Variants in NTRK3 observed in about 807,000 individuals in gnomAD.
The protein encoded by NTRK3 is neurotrophic receptor tyrosine kinase 3, also known as NT-3 growth factor receptor.
NTRK3 carries 24 observed loss-of-function variants against 91.7 expected under a neutral mutation model. The ratio of observed to expected loss-of-function variants is 0.26; its 90% CI spans 0.19 to 0.37. The LOEUF (loss-of-function observed/expected upper bound fraction) is 0.37. Among genes scored for constraint, NTRK3 ranks in the 10% least tolerant of loss-of-function variants. The pLI, the probability that NTRK3 is intolerant of heterozygous loss-of-function variation, is 1.00. For synonymous variants in NTRK3, 483 were observed against 404.0 expected (o/e 1.20, Z -2.34); for missense variants, 880 against 1,068.9 (o/e 0.82, Z 2.46).
rs1031203153 is a variant in NTRK3, at chr15:88,234,596, C to T, written c.248+21310G>A. ...CCTGCTCATCCCTCCAGTTCCAGCT[C>T]AGTTGCCCCTTCCTCTGGGGAGCTT... On this transcript the variant is annotated intron_variant, in intron 3 of 18. Transcript: ENST00000394480. The surrounding 1 kb of genome is among the most constrained non-coding windows in gnomAD (Gnocchi z 6.1). Among the ~76,000 whole-genome samples, 38 of 152,178 alleles carry T rather than the reference C, an allele frequency of 2.5e-4. No homozygotes were observed. Among genetic ancestry groups the T allele is most frequent in the African/African-American group, 8.2e-4 (34 of 41,454 alleles).
chr15:88,145,807 C>T (rs548345688), intron 6 of NTRK3, among the ~76,000 whole-genome samples: 1 of 152,016 alleles, frequency 6.6e-6, no homozygotes, highest in Non-Finnish European at 1.5e-5. Flanking sequence ...CCCCCAAGGC[C>T]CTCAGTCAGT....
chr15:88,256,010 C>T (rs2054023002), exon 3 of NTRK3: 16 of 1,613,468 alleles, frequency 9.9e-6, no homozygotes, highest in African/African-American at 6.7e-5. Context: ...TCCCATCGTC[C>T]GGCCGCCGGC....
intron 14 of NTRK3, among the ~76,000 whole-genome samples, chr15:87,980,684 A>T (rs899126947): frequency 6.6e-6 from 1 of 152,174 alleles, no homozygotes; most frequent in East Asian, 1.9e-4. Flanking sequence ...ATTTGATTGC[A>T]TTGAGACTTT....
In NTRK3 at chr15:87,925,210, T is replaced by C. The variant is rs190987703; in HGVS notation, c.2133+3981A>G. Reference sequence around the variant, plus strand: ...AAGAGAGAACAAATCGCTCTGGTGTTCTGGTGTGGGAACATTTGTTTTCTC... The same window carrying C: ...AAGAGAGAACAAATCGCTCTGGTGTCCTGGTGTGGGAACATTTGTTTTCTC... On this transcript the variant is annotated intron_variant, in intron 17 of 18. Coordinates refer to ENST00000394480, the Ensembl canonical transcript of NTRK3. Among the ~76,000 whole-genome samples, 90 of 152,330 alleles carry C rather than the reference T, an allele frequency of 5.9e-4. 1 individual carries two copies. Among genetic ancestry groups the C allele is most frequent in the Non-Finnish European group, 8.8e-5 (6 of 68,022 alleles).
chr15:87,965,908 T>C (rs2072749249), intron 14 of NTRK3, among the ~76,000 whole-genome samples: 1 of 151,932 alleles, frequency 6.6e-6, no homozygotes, highest in South Asian at 2.1e-4. Flanking sequence ...TGAAACCCCA[T>C]CTCTACTAAA....
intron 14 of NTRK3, among the ~76,000 whole-genome samples, chr15:87,941,326 T>C (rs955097890): frequency 6.6e-6 from 1 of 152,218 alleles, no homozygotes; most frequent in African/African-American, 2.4e-5. Context: ...CTTCCTCATC[T>C]GTAAAATGGG....
At chr15:88,212,952 G>A (rs530764360) in intron 3 of NTRK3, among the ~76,000 whole-genome samples, 2 of 152,336 alleles carry the variant, frequency 1.3e-5, no homozygotes, top group African/African-American at 4.8e-5. Context: ...TCACTGCACC[G>A]ATGCCCACGC....
intron 17 of NTRK3, among the ~76,000 whole-genome samples, chr15:87,918,362 G>A (rs76336113): frequency 0.019 from 2,850 of 152,308 alleles, 80 homozygotes; most frequent in African/African-American, 0.058. Flanking sequence ...TGCCATGGTG[G>A]TCTTTCCTTT....
At chr15:88,069,885 C>T (rs764784750) in intron 13 of NTRK3, among the ~76,000 whole-genome samples, 4 of 152,266 alleles carry the variant, frequency 2.6e-5, no homozygotes, top group Admixed American at 6.5e-5. Flanking sequence ...ATACAAGGTG[C>T]CTCCTCTCTG....
At chr15:88,073,339 C>T (rs907187302) in intron 13 of NTRK3, among the ~76,000 whole-genome samples, 15 of 152,168 alleles carry the variant, frequency 9.9e-5, no homozygotes, top group African/African-American at 3.4e-4. Context: ...CAGTGATTCC[C>T]ATAGTGTGAG....
At chr15:88,119,237 G>A (rs1394882161) in intron 13 of NTRK3, among the ~76,000 whole-genome samples, 1 of 152,192 alleles carries the variant, frequency 6.6e-6, no homozygotes, top group Non-Finnish European at 1.5e-5. Flanking sequence ...TGGCTTTACA[G>A]CCTTCTCAAA....
At chr15:88,003,416 T>C (rs2076254704) in intron 14 of NTRK3, among the ~76,000 whole-genome samples, 1 of 152,224 alleles carries the variant, frequency 6.6e-6, no homozygotes, top group Admixed American at 6.5e-5. Context: ...GAGCTAACTT[T>C]GCACCAGGCA....
At chr15:88,028,439 C>T (rs1402906720) in intron 14 of NTRK3, among the ~76,000 whole-genome samples, 1 of 152,104 alleles carries the variant, frequency 6.6e-6, no homozygotes, top group Non-Finnish European at 1.5e-5. Context: ...TCAGGTTTTG[C>T]AAAGTGATCT....
intron 13 of NTRK3, among the ~76,000 whole-genome samples, chr15:88,117,911 A>C (rs914698337): frequency 1.1e-4 from 16 of 152,302 alleles, no homozygotes; most frequent in Middle Eastern, 3.4e-3. Flanking sequence ...CAGGTGGCAG[A>C]CACACCTGCT....
chr15:88,070,088 T>C (rs1375198545), intron 13 of NTRK3, among the ~76,000 whole-genome samples: 1 of 152,166 alleles, frequency 6.6e-6, no homozygotes, highest in Non-Finnish European at 1.5e-5. Context: ...AGTGCTACCA[T>C]GTGATTCAGG....
chr15:88,118,066 C>T (rs889569353), intron 13 of NTRK3, among the ~76,000 whole-genome samples: 3 of 152,202 alleles, frequency 2.0e-5, no homozygotes, highest in Non-Finnish European at 2.9e-5. Flanking sequence ...GATTTGCAGC[C>T]GTTGGCTTGG....
intron 5 of NTRK3, among the ~76,000 whole-genome samples, chr15:88,152,810 A>T (rs1217495124): frequency 6.6e-6 from 1 of 152,170 alleles, no homozygotes; most frequent in Non-Finnish European, 1.5e-5. Context: ...CCAGCCTCCC[A>T]ATCAGGTTCC....
At chr15:88,096,523 C>A (rs552655154) in intron 13 of NTRK3, among the ~76,000 whole-genome samples, 58 of 152,260 alleles carry the variant, frequency 3.8e-4, no homozygotes, top group Middle Eastern at 3.4e-3. Flanking sequence ...GCAGTTCAGC[C>A]CCCAAACTAC....
At chr15:88,200,446 A>T (rs372059664) in intron 3 of NTRK3, among the ~76,000 whole-genome samples, 4 of 152,154 alleles carry the variant, frequency 2.6e-5, no homozygotes, top group South Asian at 2.1e-4. Context: ...CCCAAATCTC[A>T]TCTTGAGTTG....
Sources: gnomAD v4.1 joint callset for allele counts (sites outside exome capture counted in the v4.1 genomes callset) on GRCh38, gnomAD v4.1.1 for gene constraint, Gnocchi (gnomAD v3.1) non-coding constraint, MANE v1.5 for transcripts, NCBI Gene and HGNC (gene_info 2026-07-23, HGNC 2026-07-21) for gene names.